The following MYH14 variants were observed in gnomAD, a reference collection of about 807,000 sequenced individuals.
The protein encoded by MYH14 is myosin heavy chain 14.
In MYH14, 123 loss-of-function variants were observed where a neutral mutation model predicts 255.5. The ratio of observed to expected loss-of-function variants is 0.48; its 90% confidence interval spans 0.42 to 0.56. The LOEUF (loss-of-function observed/expected upper bound fraction) is 0.56. Ranked by LOEUF, MYH14 falls within the 20% of genes least tolerant of loss-of-function variation. MYH14 has a pLI of 0.00. For missense variants in MYH14, 2,423 were observed against 2,802.3 expected, an observed-to-expected ratio of 0.86 and a Z score of 3.06; for synonymous variants, 1,095 against 1,161.2, an observed-to-expected ratio of 0.94 and a Z score of 1.16.
intron 39 of MYH14, among the ~76,000 whole-genome samples, chr19:50,294,529 G>C (rs2036197470): frequency 6.7e-6 from 1 of 150,022 alleles, no homozygotes; most frequent in African/African-American, 2.5e-5. Flanking sequence ...CTGCCTCCCA[G>C]GTTCAAGCGA....
intron 2 of MYH14, among the ~76,000 whole-genome samples, chr19:50,214,997 A>G (rs2123173227): frequency 6.6e-6 from 1 of 151,698 alleles, no homozygotes; most frequent in South Asian, 2.1e-4. Context: ...ACTATGGGGA[A>G]AGTCACCAGG....
intron 19 of MYH14, among the ~76,000 whole-genome samples, chr19:50,260,123 A>G (rs2034767437): frequency 1.3e-5 from 2 of 151,966 alleles, no homozygotes; most frequent in Non-Finnish European, 2.9e-5. Flanking sequence ...AAGCCAATAC[A>G]TCCAAAATAC....
intron 17 of MYH14, among the ~76,000 whole-genome samples, chr19:50,256,091 A>G (rs1349947920): frequency 2.6e-5 from 4 of 151,942 alleles, no homozygotes; most frequent in Admixed American, 2.6e-4. Flanking sequence ...TAGCCTGAGC[A>G]ACACAGGAAG....
intron 36 of MYH14, 104 bp from the exon 37 acceptor site, chr19:50,292,157 T>C (rs943670225): frequency 8.2e-7 from 1 of 1,225,980 alleles, no homozygotes; most frequent in Admixed American, 3.2e-5. Flanking sequence ...GTTCCCTGCT[T>C]GTTCACGGGA....
chr19:50,285,177 T>C (rs948720527), intron 33 of MYH14: 3 of 152,190 alleles, frequency 2.0e-5, no homozygotes, highest in African/African-American at 7.2e-5. Context: ...ATTACAAGCA[T>C]AAGCCACTGC....
Position 50,234,043 on chromosome 19 carries a change from C to T in MYH14, c.1114+1973C>T, listed in dbSNP as rs139133581. The stretch of plus-strand genomic sequence containing the variant: ...CTAAGTTGGCCAGGCTGGTCTCGAA[C>T]TGCTGACTTCAAGTGATCCTCCCGC... On this transcript the variant is annotated intron_variant, in intron 10 of 42. Transcript: ENST00000642316. 3.5e-3 allele frequency among the ~76,000 whole-genome samples: 535 copies of T among 152,130 alleles called. 10 individuals carry two copies. The East Asian group carries it at 0.061, about 17-fold the overall frequency.
chr19:50,232,593 C>CAAAA (rs532232129), intron 10 of MYH14, among the ~76,000 whole-genome samples: 13 of 63,700 alleles, frequency 2.0e-4, no homozygotes, highest in Admixed American at 4.5e-4. Context: ...GACTCTGTCT[C>CAAAA]AAAAAAAAAA....
At chr19:50,301,618 C>T (rs747441245) in intron 39 of MYH14, 43 bp from the exon 40 acceptor site, 4 of 1,546,930 alleles carry the variant, frequency 2.6e-6, no homozygotes, top group Admixed American at 3.4e-5. Context: ...CACCTTCCCT[C>T]TGAGACTCCA....
At chr19:50,211,065 C>T (rs544704122) in intron 2 of MYH14, among the ~76,000 whole-genome samples, 2 of 152,198 alleles carry the variant, frequency 1.3e-5, no homozygotes, top group East Asian at 1.9e-4. Context: ...TTTTAAGGAA[C>T]GGAAACAGAT....
chr19:50,209,982 C>A (rs971855363), intron 1 of MYH14, among the ~76,000 whole-genome samples: 1 of 150,668 alleles, frequency 6.6e-6, no homozygotes, highest in African/African-American at 2.4e-5. Flanking sequence ...CCTGTAATCC[C>A]AGCTACTTGG....
chr19:50,259,161 A>G lies in MYH14; in HGVS notation c.2250A>G (p.Pro750=), dbSNP rs1651553. The change falls in exon 19 of 43, where the codon CCA becomes CCG. Residue 750 remains proline (P), a synonymous_variant. Transcript: ENST00000642316. ...CTCCCCAGGCCGGGAAGCTGGAGCC[A>G]CGGCTGGTGCTGGACCAGCTTCGCT... ...NHEKRAGKLE[P]RLVLDQLRCN... 1,169,076 of 1,556,696 alleles carry G rather than the reference A, an allele frequency of 0.75. 440,242 individuals are homozygous for G. Among genetic ancestry groups the G allele is most frequent in the East Asian group, 0.87 (35,880 of 41,450 alleles).
intron 10 of MYH14, among the ~76,000 whole-genome samples, chr19:50,242,106 A>G (rs1431213452): frequency 6.6e-6 from 1 of 152,178 alleles, no homozygotes; most frequent in Non-Finnish European, 1.5e-5. Context: ...GGGCTGTAGA[A>G]ACCGTCCGCA....
intron 27 of MYH14, among the ~76,000 whole-genome samples, chr19:50,275,312 T>C (rs2035463951): frequency 1.3e-5 from 2 of 152,184 alleles, no homozygotes; most frequent in African/African-American, 4.8e-5. Flanking sequence ...GCCACATCCC[T>C]GTGAGAGCTG....
Position 50,293,558 on chromosome 19 carries a change from C to G in MYH14, c.5346-6C>G, listed in dbSNP as rs777923183. 35 of 1,612,554 alleles carry G rather than the reference C, an allele frequency of 2.2e-5. No homozygotes were observed. Among genetic ancestry groups the G allele is most frequent in the Non-Finnish European group, 3.0e-5 (35 of 1,179,370 alleles). On this transcript the variant is annotated splice_region_variant and splice_polypyrimidine_tract_variant and intron_variant, in intron 38 of 42. Transcript: ENST00000642316. This position sits in a 1 kb window ranked among gnomAD's most constrained non-coding sequence, Gnocchi z 4.1. ...CTTTCATCCCCACGCCTTCCTGTCT[C>G]CCTAGGGCAGCCATTCTGGAGGAGA...
rs1267714332 is a variant in MYH14 at position 50,276,501 on chromosome 19, T to C, written c.3681-256T>C. Reference sequence around the variant, plus strand: ...ACTGTGGGTGATAAGTGAAGACCCCTAAACCAAGTCTATGGGAGATCCAGG... The same window carrying C: ...ACTGTGGGTGATAAGTGAAGACCCCCAAACCAAGTCTATGGGAGATCCAGG... On this transcript the variant is annotated intron_variant, in intron 28 of 42. Transcript: ENST00000642316. The surrounding 1 kb of genome is among the most constrained non-coding windows in gnomAD (Gnocchi z 4.3). 6.6e-6 allele frequency among the ~76,000 whole-genome samples: 1 copy of C among 152,052 alleles called. No homozygotes were observed. The highest frequency in any genetic ancestry group is 2.4e-5 in the African/African-American group (1 of 41,392).
chr19:50,276,757 G>A lies in MYH14; in HGVS notation c.3681G>A (p.Arg1227=). The part of the protein sequence containing the change: ...LDSTNAQQEL[R]SKREQEVTEL... ...TCCTCTCTCCTTTCCCCCAATAAAG[G>A]TCCAAGAGGGAACAGGAGGTGACGG... Residue 1227 remains arginine, a splice_region_variant and synonymous_variant, in exon 29 of 43, where the codon CGG becomes CGA. Transcript: ENST00000642316. The surrounding 1 kb of genome is among the most constrained non-coding windows in gnomAD (Gnocchi z 4.3). 6.2e-7 allele frequency: 1 copy of A among 1,613,388 alleles called. No homozygotes were observed.
At chr19:50,261,685 G>A (rs777144771) in intron 21 of MYH14, 50 bp downstream of exon 21, 3 of 1,518,618 alleles carry the variant, frequency 2.0e-6, no homozygotes, top group Non-Finnish European at 2.6e-6. Context: ...GACTGGGTCA[G>A]GGAGGGGTTG....
At position 50,280,528 on chromosome 19, in the gene MYH14, C is replaced by T. The variant is rs2035681747; in HGVS notation, c.4290+145C>T. 2.4e-6 allele frequency: 2 copies of T among 839,696 alleles called. No individual in the cohort carries two copies. Among genetic ancestry groups the T allele is most frequent in the Admixed American group, 2.9e-5 (1 of 34,218 alleles). The allele number at this position is 839,696 out of a possible 1,614,324, so 52.0% of individuals were successfully genotyped here. A position where few individuals can be genotyped will look rare whatever the true frequency, so the allele number is the denominator to read the frequency against. ...CTTTCTCATCTCTGACTCCCCCTTACCCCCCACAGCCCATGCCCAGCCCTG... is the reference window on the plus strand; with the variant it reads ...CTTTCTCATCTCTGACTCCCCCTTATCCCCCACAGCCCATGCCCAGCCCTG... On this transcript the variant is annotated intron_variant, in intron 32 of 42. Transcript: ENST00000642316. This position sits in a 1 kb window ranked among gnomAD's most constrained non-coding sequence, Gnocchi z 4.8.
intron 10 of MYH14, among the ~76,000 whole-genome samples, chr19:50,235,649 G>T (rs1442105566): frequency 6.6e-6 from 1 of 151,676 alleles, no homozygotes; most frequent in Non-Finnish European, 1.5e-5. Context: ...TTAACCAGGT[G>T]TGGTGGTGCA....
Sources: gnomAD v4.1 joint callset for allele counts (sites outside exome capture counted in the v4.1 genomes callset) on GRCh38, gnomAD v4.1.1 for gene constraint, Gnocchi (gnomAD v3.1) non-coding constraint, MANE v1.5 for transcripts, NCBI Gene and HGNC (gene_info 2026-07-23, HGNC 2026-07-21) for gene names.